USP25: variants seen among roughly 807,000 people sequenced by gnomAD.
USP25 encodes the protein ubiquitin specific peptidase 25, also known as ubiquitin carboxyl-terminal hydrolase 25.
Under a neutral mutation model 158.5 loss-of-function variants are expected in USP25, and 85 were observed. That is an observed-to-expected ratio of 0.54 (90% confidence interval 0.45 to 0.64). The LOEUF (loss-of-function observed/expected upper bound fraction) is 0.64. Among genes scored for constraint, USP25 ranks in the 30% least tolerant of loss-of-function variants. The probability of loss-of-function intolerance (pLI) is 0.00; values close to 1 mark genes in which losing one functional copy is unlikely to be tolerated. For synonymous variants in USP25, 464 were observed against 460.4 expected, an observed-to-expected ratio of 1.01 and a Z score of -0.10; for missense variants, 1,242 against 1,327.3, an observed-to-expected ratio of 0.94 and a Z score of 1.00.
rs138373880 is a variant in USP25, at chr21:15,879,348, GTATA to G, written c.*881_*884del. 1.1e-4 allele frequency: 16 copies of G among 151,442 alleles called. No homozygotes were observed. The highest frequency in any genetic ancestry group is 3.9e-4 in the African/African-American group (16 of 41,234). The allele number at this position is 151,442 out of a possible 1,614,324, so 9.4% of individuals were successfully genotyped here. On this transcript the variant is annotated 3_prime_UTR_variant, in exon 26 of 26. Transcript: ENST00000400183. ...TACACATATATACACATACACACAT[GTATA>G]TATATATTCTTCATAATGGAGGACA... is the stretch of plus-strand genomic sequence containing the variant.
rs1180694322 is a variant in USP25, at chr21:15,846,143, TATATATATATA to T, written c.2338-1519_2338-1509del. Among the ~76,000 whole-genome samples, 19 of 62,858 alleles carry T rather than the reference TATATATATATA, an allele frequency of 3.0e-4. 2 individuals are homozygous for T. The highest frequency in any genetic ancestry group is 1.7e-3 in the African/African-American group (19 of 11,168). The allele number at this position is 62,858 out of a possible 152,430, so 41.2% of individuals were successfully genotyped here. On this transcript the variant is annotated intron_variant, in intron 18 of 25. Transcript: ENST00000400183. ...GTGTGTATATATATATATATATATA[TATATATATATA>T]TATATTTTTTTTTTTTTTTTTTTTT...
chr21:15,826,393 A>G lies in USP25; in HGVS notation c.1466+28A>G. The stretch of plus-strand genomic sequence containing the variant: ...AAAAAGTAATCCTGATGCAAGAGAC[A>G]GTTGTTACCTTTATTACACAATAAT... On this transcript the variant is annotated intron_variant, in intron 13 of 25. Transcript: ENST00000400183. This position sits in a 1 kb window ranked among gnomAD's most constrained non-coding sequence, Gnocchi z 4.8. The G allele has an allele frequency of 1.2e-6, 2 of 1,611,198 alleles. No homozygotes were observed. Among genetic ancestry groups the G allele is most frequent in the South Asian group, 1.1e-5 (1 of 90,702 alleles).
At chr21:15,782,316 G>A (rs1165991007) in intron 4 of USP25, among the ~76,000 whole-genome samples, 4 of 152,180 alleles carry the variant, frequency 2.6e-5, no homozygotes, top group Admixed American at 1.3e-4. Context: ...CTGTACCACT[G>A]GAGGATTGTG....
At chr21:15,832,825 T>C (rs1227270325) in intron 16 of USP25, among the ~76,000 whole-genome samples, 6 of 152,216 alleles carry the variant, frequency 3.9e-5, no homozygotes, top group South Asian at 2.1e-4. Context: ...GAGACCATCC[T>C]GGCTAACACA....
chr21:15,833,241 G>A (rs1265910300), intron 16 of USP25, 107 bp from the exon 17 acceptor site: 2 of 1,024,672 alleles, frequency 2.0e-6, no homozygotes, highest in Non-Finnish European at 2.9e-6. Context: ...TTGGCTGAGT[G>A]GTAATAATTC....
At position 15,777,848 on chromosome 21, in the gene USP25, A is replaced by C. The variant is rs2034745161; in HGVS notation, c.269-56A>C. 2.7e-6 allele frequency: 4 copies of C among 1,500,944 alleles called. No individual in the cohort carries two copies. In the South Asian group the frequency reaches 5.4e-5, roughly 20 times the overall value. The allele number at this position is 1,500,944 out of a possible 1,614,324, so 93.0% of individuals were successfully genotyped here. ...ATTGGATATAAAATCTCCATAATAA[A>C]AATCCTTTCATTTTGTTTTACTTTT... On this transcript the variant is annotated intron_variant, in intron 3 of 25. Coordinates refer to ENST00000400183, the MANE Select transcript of USP25 (RefSeq NM_001283041.3).
chr21:15,865,327 T>G (rs1312758524), intron 21 of USP25, among the ~76,000 whole-genome samples: 1 of 152,162 alleles, frequency 6.6e-6, no homozygotes, highest in African/African-American at 2.4e-5. Context: ...GAAATGATCA[T>G]CCTTTTATGA....
intron 18 of USP25, among the ~76,000 whole-genome samples, chr21:15,846,592 T>G (rs1449035701): frequency 6.6e-6 from 1 of 152,162 alleles, no homozygotes; most frequent in Non-Finnish European, 1.5e-5. Context: ...TTGCTAAAAT[T>G]TACCCATATT....
rs969150657 is a variant in USP25, at chr21:15,730,165, T to G, written c.-229T>G. On this transcript the variant is annotated 5_prime_UTR_variant, in exon 1 of 26. Transcript: ENST00000400183. ...ACGAGCGGCGCTGAGGCGGGCCGCGTGGAGACGTGAGGCGGCCGCCGTGGC... is the reference window on the plus strand; with the variant it reads ...ACGAGCGGCGCTGAGGCGGGCCGCGGGGAGACGTGAGGCGGCCGCCGTGGC... The G allele has an allele frequency of 4.7e-6, 1 of 214,508 alleles. No individual in the cohort carries two copies. Among genetic ancestry groups the G allele is most frequent in the Non-Finnish European group, 7.9e-6 (1 of 125,850 alleles). The allele number at this position is 214,508 out of a possible 1,614,324, so 13.3% of individuals were successfully genotyped here.
intron 22 of USP25, among the ~76,000 whole-genome samples, chr21:15,869,803 T>G (rs1433903419): frequency 1.3e-5 from 2 of 152,196 alleles, no homozygotes; most frequent in African/African-American, 4.8e-5. Flanking sequence ...CCTGCCTTTA[T>G]ATTTCTGTTA....
At chr21:15,795,784 G>A (rs929157396) in intron 5 of USP25, among the ~76,000 whole-genome samples, 6 of 151,482 alleles carry the variant, frequency 4.0e-5, no homozygotes, top group African/African-American at 1.5e-4. Context: ...AAAGCACATG[G>A]GGGTTTAATT....
intron 1 of USP25, 114 bp downstream of exon 1, chr21:15,730,552 C>G (rs1004696220): frequency 3.4e-6 from 4 of 1,172,090 alleles, no homozygotes; most frequent in Admixed American, 9.2e-5. Context: ...GCTTCCTCCC[C>G]GGTCACCCCC....
intron 4 of USP25, among the ~76,000 whole-genome samples, chr21:15,781,310 G>A (rs530115346): frequency 1.3e-5 from 2 of 152,294 alleles, no homozygotes; most frequent in South Asian, 2.1e-4. Flanking sequence ...CTCTGTATAC[G>A]ATTGTGGATG....
At chr21:15,801,623 G>T (rs2146257333) in intron 6 of USP25, among the ~76,000 whole-genome samples, 1 of 151,596 alleles carries the variant, frequency 6.6e-6, no homozygotes, top group Admixed American at 6.6e-5. Context: ...GTGACAGCAG[G>T]TTTTTAAAAA....
intron 9 of USP25, among the ~76,000 whole-genome samples, chr21:15,813,857 A>G (rs2036797846): frequency 6.6e-6 from 1 of 151,994 alleles, no homozygotes; most frequent in Non-Finnish European, 1.5e-5. Context: ...TGCTAAGGTT[A>G]TTGATTTTCT....
intron 17 of USP25, among the ~76,000 whole-genome samples, chr21:15,839,248 T>A (rs1304367567): frequency 6.6e-6 from 1 of 152,148 alleles, no homozygotes; most frequent in African/African-American, 2.4e-5. Flanking sequence ...GGGAGGTATA[T>A]ACACAGGGAA....
At chr21:15,829,377 G>T (rs911193403) in intron 14 of USP25, among the ~76,000 whole-genome samples, 1 of 152,106 alleles carries the variant, frequency 6.6e-6, no homozygotes. Context: ...CTGGTTCAGA[G>T]TGTGTATATT....
At chr21:15,730,559 C>A in intron 1 of USP25, 121 bp downstream of exon 1, 1 of 1,145,540 alleles carries the variant, frequency 8.7e-7, no homozygotes. Context: ...CCCCGGTCAC[C>A]CCCGGCCCCT....
At chr21:15,844,355 G>A (rs1383318717) in intron 18 of USP25, among the ~76,000 whole-genome samples, 1 of 152,032 alleles carries the variant, frequency 6.6e-6, no homozygotes, top group Non-Finnish European at 1.5e-5. Context: ...TATTTATTAT[G>A]AATGCAACCT....
Sources: gnomAD v4.1 joint callset for allele counts (sites outside exome capture counted in the v4.1 genomes callset) on GRCh38, gnomAD v4.1.1 for gene constraint, Gnocchi (gnomAD v3.1) non-coding constraint, MANE v1.5 for transcripts, NCBI Gene and HGNC (gene_info 2026-07-23, HGNC 2026-07-21) for gene names.